Variants in EFHB observed in about 807,000 individuals in gnomAD.
EFHB encodes the protein EF-hand domain family member B, also known as EF-hand domain-containing family member B.
A neutral mutation model predicts 87.2 loss-of-function variants in EFHB; 91 were observed. The observed-to-expected ratio is 1.04, with a 90% CI of 0.88 to 1.24. The LOEUF (loss-of-function observed/expected upper bound fraction) is 1.24. EFHB is among the 50% of genes most tolerant of loss of function. The pLI is 0.00. For synonymous variants in EFHB, 325 were observed against 333.6 expected (o/e 0.97, Z 0.28); for missense variants, 1,084 against 998.8 (o/e 1.09, Z -1.15).
chr3:19,920,564 C>T lies in EFHB; in HGVS notation c.793G>A (p.Gly265Arg), dbSNP rs201213667. Residue 265 changes from glycine to arginine, a missense_variant, in exon 2 of 13, where the codon GGA becomes AGA. Physicochemically the swap from Gly to Arg is moderately radical, Grantham distance 125. Transcript: ENST00000295824. ...CTGTAACCAACTGGAATAACTTTTCCTGCCTTTGGGGGAAAAAAATGGGTT... is the reference window on the plus strand; with the variant it reads ...CTGTAACCAACTGGAATAACTTTTCTTGCCTTTGGGGGAAAAAAATGGGTT... ...FDRTPCWPSA[G>R]KVIPVGYRVA... 6.3e-7 allele frequency: 1 copy of T among 1,594,638 alleles called. No individual in the cohort carries two copies.
Position 19,896,762 on chromosome 3 carries a change from T to C in EFHB, c.1650A>G (p.Ala550=). The change falls in exon 9 of 13, where the codon GCA becomes GCG. Residue 550 remains alanine, a synonymous_variant. Transcript: ENST00000295824. ...GKDRQRALIA[A]VRHHLKKVNY... ...TAACTTTCTTCAGGTGATGCCGAAC[T>C]GCTGCAATCAGGGCTCGCTGTCTAT... 1 of 1,614,010 alleles carries C rather than the reference T, an allele frequency of 6.2e-7. No homozygotes were observed. Among genetic ancestry groups the C allele is most frequent in the Non-Finnish European group, 8.5e-7 (1 of 1,179,890 alleles).
intron 1 of EFHB, among the ~76,000 whole-genome samples, chr3:19,922,707 A>T (rs866429930): frequency 2.0e-5 from 3 of 152,120 alleles, no homozygotes; most frequent in Non-Finnish European, 4.4e-5. Context: ...TCTGCCAATA[A>T]ATAAGCTGTG....
intron 1 of EFHB, among the ~76,000 whole-genome samples, chr3:19,931,597 T>G (rs1695834354): frequency 6.6e-6 from 1 of 152,220 alleles, no homozygotes; most frequent in Non-Finnish European, 1.5e-5. Flanking sequence ...CTGTGACCTC[T>G]TCAGCTGAGT....
intron 3 of EFHB, among the ~76,000 whole-genome samples, chr3:19,919,077 G>C (rs1048891196): frequency 6.6e-6 from 1 of 151,872 alleles, no homozygotes; most frequent in African/African-American, 2.4e-5. Flanking sequence ...CAGGTCTTCT[G>C]AATCTAGACT....
intron 5 of EFHB, among the ~76,000 whole-genome samples, chr3:19,910,158 G>T (rs766952391): frequency 1.3e-5 from 2 of 151,910 alleles, no homozygotes; most frequent in Non-Finnish European, 2.9e-5. Context: ...AGGCTCTTAG[G>T]GTTCCTGATT....
chr3:19,916,100 A>C (rs1047730996), intron 4 of EFHB, among the ~76,000 whole-genome samples: 1 of 152,224 alleles, frequency 6.6e-6, no homozygotes, highest in African/African-American at 2.4e-5. Context: ...CAGACTTCTC[A>C]AGATGATCTA....
At chr3:19,882,950 C>A (rs1209778528) in intron 11 of EFHB, among the ~76,000 whole-genome samples, 2 of 151,862 alleles carry the variant, frequency 1.3e-5, no homozygotes, top group Non-Finnish European at 1.5e-5. Context: ...GAATATATAT[C>A]GTATTAAAAT....
intron 12 of EFHB, among the ~76,000 whole-genome samples, chr3:19,881,599 T>C (rs1021528357): frequency 1.3e-5 from 2 of 152,178 alleles, no homozygotes; most frequent in African/African-American, 4.8e-5. Context: ...ACAGGAAGGA[T>C]ACCAAGTTCC....
chr3:19,886,474 T>C (rs1332716559), intron 10 of EFHB, among the ~76,000 whole-genome samples: 1 of 151,952 alleles, frequency 6.6e-6, no homozygotes, highest in Admixed American at 6.6e-5. Context: ...CTGGATGCAG[T>C]GGCTCATGCC....
chr3:19,917,018 A>C (rs988606483), intron 4 of EFHB, among the ~76,000 whole-genome samples: 1 of 152,118 alleles, frequency 6.6e-6, no homozygotes, highest in Non-Finnish European at 1.5e-5. Flanking sequence ...CATTAAATAA[A>C]CTAATCCTAA....
At chr3:19,890,017 A>G (rs1377984810) in intron 9 of EFHB, among the ~76,000 whole-genome samples, 1 of 152,198 alleles carries the variant, frequency 6.6e-6, no homozygotes, top group African/African-American at 2.4e-5. Flanking sequence ...TACTACAACC[A>G]AAAATGCAAA....
intron 5 of EFHB, among the ~76,000 whole-genome samples, chr3:19,915,080 C>G (rs1695180371): frequency 6.6e-6 from 1 of 151,676 alleles, no homozygotes. Context: ...CAACAGAGAC[C>G]CCTGTCTAAA....
At chr3:19,935,596 CAGCTACTCAGG>C (rs1216762103), upstream of EFHB, among the ~76,000 whole-genome samples, 1 of 152,040 alleles carries the variant, frequency 6.6e-6, no homozygotes, top group Non-Finnish European at 1.5e-5. Flanking sequence ...CCTGTAATCC[CAGCTACTCAGG>C]AGGCTGAGGC....
At chr3:19,894,308 G>A (rs1448714685) in intron 9 of EFHB, among the ~76,000 whole-genome samples, 6 of 152,238 alleles carry the variant, frequency 3.9e-5, no homozygotes, top group Non-Finnish European at 7.4e-5. Flanking sequence ...TTGTAAGCTT[G>A]CTGCAAATTT....
At chr3:19,924,438 T>A (rs943987272) in intron 1 of EFHB, among the ~76,000 whole-genome samples, 3 of 152,054 alleles carry the variant, frequency 2.0e-5, no homozygotes, top group Non-Finnish European at 4.4e-5. Context: ...GGTCTCAAAC[T>A]CCTGACCTCG....
chr3:19,884,120 G>A (rs115182748), intron 11 of EFHB, among the ~76,000 whole-genome samples: 314 of 152,290 alleles, frequency 2.1e-3, no homozygotes, highest in African/African-American at 7.2e-3. Context: ...AATACTTGGT[G>A]GAGTCTGAAT....
intron 12 of EFHB, among the ~76,000 whole-genome samples, chr3:19,881,798 C>A (rs1324021266): frequency 6.6e-6 from 1 of 152,074 alleles, no homozygotes. Context: ...ATTTCTAGCT[C>A]CAGCTATGAA....
Position 19,917,705 on chromosome 3 carries a change from G to A in EFHB, c.1177+527C>T, listed in dbSNP as rs116480851. Among the ~76,000 whole-genome samples the A allele has an allele frequency of 9.7e-3, 1,478 of 152,236 alleles. 27 individuals are homozygous for A. Among genetic ancestry groups the A allele is most frequent in the African/African-American group, 0.034 (1,392 of 41,546 alleles). ...CTAATGAGTTATTTGTTGAATGATG[G>A]TACTCTACTCCCTCTCAAAATCAGA... On this transcript the variant is annotated intron_variant, in intron 4 of 12. Coordinates refer to ENST00000295824, the MANE Select transcript of EFHB (RefSeq NM_144715.4).
chr3:19,881,966 C>T (rs2071686211), intron 12 of EFHB, among the ~76,000 whole-genome samples: 1 of 151,638 alleles, frequency 6.6e-6, no homozygotes, highest in African/African-American at 2.4e-5. Context: ...CTTTATAACT[C>T]ATCTAGGAAG....
Sources: gnomAD v4.1 joint callset for allele counts (sites outside exome capture counted in the v4.1 genomes callset) on GRCh38, gnomAD v4.1.1 for gene constraint, MANE v1.5 for transcripts, NCBI Gene and HGNC (gene_info 2026-07-23, HGNC 2026-07-21) for gene names.